Variants in IGFL2 observed in about 807,000 individuals in gnomAD.
IGFL2 encodes insulin growth factor-like family member 2.
Under a neutral mutation model 13.9 loss-of-function variants are expected in IGFL2, and 7 were observed. The ratio of observed to expected loss-of-function variants is 0.51; its 90% CI spans 0.29 to 0.95. IGFL2 has a LOEUF of 0.95. Ranked by LOEUF, IGFL2 falls within the 40% of genes least tolerant of loss-of-function variation. The pLI, the probability that IGFL2 is intolerant of heterozygous loss-of-function variation, is 0.08. For synonymous variants in IGFL2, 55 were observed against 55.8 expected, an observed-to-expected ratio of 0.99 and a Z score of 0.07; for missense variants, 138 against 147.8, an observed-to-expected ratio of 0.93 and a Z score of 0.34.
chr19:46,096,720 A>G, the IGFL2 span, among the ~76,000 whole-genome samples: 2 of 152,148 alleles, frequency 1.3e-5, no homozygotes, highest in Non-Finnish European at 2.9e-5. Context: ...AGAGTTTTTT[A>G]ACATGAAGGG....
chr19:46,088,072 G>T, the IGFL2 span, among the ~76,000 whole-genome samples: 1 of 152,150 alleles, frequency 6.6e-6, no homozygotes, highest in Non-Finnish European at 1.5e-5. Flanking sequence ...TGGACCACTG[G>T]GGGTCTCTCA....
chr19:46,170,689 G>A, the IGFL2 span, among the ~76,000 whole-genome samples: 1 of 152,236 alleles, frequency 6.6e-6, no homozygotes, highest in Non-Finnish European at 1.5e-5. Context: ...CCTTCCCAGG[G>A]GGGCCTCTAA....
chr19:46,101,640 C>T, the IGFL2 span, among the ~76,000 whole-genome samples: 2 of 152,242 alleles, frequency 1.3e-5, no homozygotes, highest in East Asian at 3.9e-4. Context: ...GGGGGTTCAG[C>T]CTTTTAGGCA....
At chr19:46,162,950 G>A (rs149753364), downstream of IGFL2, among the ~76,000 whole-genome samples, 253 of 152,304 alleles carry the variant, frequency 1.7e-3, 4 homozygotes, top group East Asian at 0.039. Context: ...CCACAGTGTA[G>A]ATTAAGTACA....
chr19:46,191,350 C>T, the IGFL2 span, among the ~76,000 whole-genome samples: 2 of 152,200 alleles, frequency 1.3e-5, no homozygotes, highest in South Asian at 4.2e-4. Flanking sequence ...TGCTATTCCT[C>T]ACTGAATTTT....
At chr19:46,200,631 A>G in the IGFL2 span, among the ~76,000 whole-genome samples, 1 of 151,368 alleles carries the variant, frequency 6.6e-6, no homozygotes, top group South Asian at 2.1e-4. Flanking sequence ...TCCTCCTGCT[A>G]CAGCCTCCCA....
chr19:46,104,213 A>T, the IGFL2 span, among the ~76,000 whole-genome samples: 3 of 152,346 alleles, frequency 2.0e-5, no homozygotes, highest in South Asian at 4.1e-4. Flanking sequence ...GTGCATCCAT[A>T]TAAAAGTTCA....
chr19:46,099,978 A>C, the IGFL2 span, among the ~76,000 whole-genome samples: 1 of 152,220 alleles, frequency 6.6e-6, no homozygotes, highest in Non-Finnish European at 1.5e-5. Flanking sequence ...CCATCGGGTC[A>C]TTTATGTTCC....
At chr19:46,082,593 G>T in the IGFL2 span, among the ~76,000 whole-genome samples, 1 of 152,078 alleles carries the variant, frequency 6.6e-6, no homozygotes, top group Non-Finnish European at 1.5e-5. Flanking sequence ...GTAGAAGCAG[G>T]GACTTCTGGC....
At chr19:46,078,679 A>G in the IGFL2 span, among the ~76,000 whole-genome samples, 1 of 152,250 alleles carries the variant, frequency 6.6e-6, no homozygotes, top group African/African-American at 2.4e-5. Context: ...GTATCAATTC[A>G]CCACAGTCCG....
the IGFL2 span, among the ~76,000 whole-genome samples, chr19:46,127,305 T>C: frequency 6.6e-6 from 1 of 152,096 alleles, no homozygotes; most frequent in Non-Finnish European, 1.5e-5. Context: ...TGAGCTGTGA[T>C]GGCACCACTG....
the IGFL2 span, chr19:46,113,064 A>G: frequency 1.3e-5 from 2 of 152,262 alleles, no homozygotes; most frequent in Non-Finnish European, 2.9e-5. Flanking sequence ...ATCCCATTGC[A>G]TTCCATCTTT....
the IGFL2 span, among the ~76,000 whole-genome samples, chr19:46,124,974 T>G: frequency 7.1e-6 from 1 of 141,636 alleles, no homozygotes; most frequent in African/African-American, 2.8e-5. Flanking sequence ...GTTAGGCTTC[T>G]AAGAGTTTTC....
the IGFL2 span, chr19:46,180,775 GT>G: frequency 6.6e-6 from 1 of 152,248 alleles, no homozygotes; most frequent in East Asian, 1.9e-4. Flanking sequence ...ACTGGTGTAA[GT>G]CCAAGGGTCC....
upstream of IGFL2, among the ~76,000 whole-genome samples, chr19:46,139,098 C>G (rs1197440532): frequency 6.6e-6 from 1 of 152,010 alleles, no homozygotes; most frequent in Non-Finnish European, 1.5e-5. Flanking sequence ...CTATTTAACT[C>G]CCCACTTCCC....
At chr19:46,184,166 G>A in the IGFL2 span, among the ~76,000 whole-genome samples, 2 of 152,130 alleles carry the variant, frequency 1.3e-5, no homozygotes, top group Admixed American at 6.5e-5. Context: ...AATTTTGCTT[G>A]TGGGTCATAA....
the IGFL2 span, among the ~76,000 whole-genome samples, chr19:46,091,454 A>C: frequency 1.3e-5 from 2 of 152,184 alleles, no homozygotes. Flanking sequence ...CACAGTCAAA[A>C]ACTTTAATCA....
chr19:46,113,609 C>T, the IGFL2 span: 1 of 285,870 alleles, frequency 3.5e-6, no homozygotes. Flanking sequence ...TTTGGCTCCA[C>T]TGATGTCTAT....
the IGFL2 span, among the ~76,000 whole-genome samples, chr19:46,171,375 A>G: frequency 1.3e-5 from 2 of 152,174 alleles, no homozygotes; most frequent in African/African-American, 4.8e-5. Flanking sequence ...GGTGGGGTTC[A>G]GATTGACAGA....
Sources: allele counts gnomAD v4.1 joint callset (sites outside exome capture counted in the v4.1 genomes callset), GRCh38; gene constraint gnomAD v4.1.1; transcripts MANE v1.5; gene names NCBI Gene and HGNC (gene_info 2026-07-23, HGNC 2026-07-21).